Variants in TAFA1 observed in about 807,000 individuals in gnomAD.
TAFA1 encodes the protein chemokine-like protein TAFA-1.
Under a neutral mutation model 18.5 loss-of-function variants are expected in TAFA1, and 4 were observed. The ratio of observed to expected loss-of-function variants is 0.22; its 90% CI spans 0.11 to 0.49. The LOEUF (loss-of-function observed/expected upper bound fraction) is 0.49, where lower values mean the gene tolerates loss of function less well. Among genes scored for constraint, TAFA1 ranks in the 20% least tolerant of loss-of-function variants. The pLI is 0.98. For synonymous variants in TAFA1, 56 were observed against 55.2 expected (o/e 1.01, Z -0.06); for missense variants, 147 against 169.0 (o/e 0.87, Z 0.72).
chr3:68,270,087 C>T (rs1254482351), intron 2 of TAFA1, among the ~76,000 whole-genome samples: 1 of 152,106 alleles, frequency 6.6e-6, no homozygotes, highest in Non-Finnish European at 1.5e-5. Context: ...TTTCTTTGTG[C>T]CAAAGAGTTG....
At chr3:68,316,705 A>G (rs1392041434) in intron 2 of TAFA1, among the ~76,000 whole-genome samples, 1 of 152,208 alleles carries the variant, frequency 6.6e-6, no homozygotes, top group Non-Finnish European at 1.5e-5. Flanking sequence ...TATACTAGGT[A>G]CCAGGGGATT....
intron 2 of TAFA1, among the ~76,000 whole-genome samples, chr3:68,229,498 C>T (rs1293251314): frequency 2.6e-5 from 4 of 152,152 alleles, no homozygotes; most frequent in African/African-American, 7.2e-5. Flanking sequence ...GCACAAGGCA[C>T]TGTTTTGTTT....
intron 2 of TAFA1, among the ~76,000 whole-genome samples, chr3:68,295,738 C>G (rs777449074): frequency 9.2e-5 from 14 of 152,160 alleles, no homozygotes; most frequent in Non-Finnish European, 1.9e-4. Flanking sequence ...TCCCAAGTAA[C>G]CAGGATTACA....
chr3:68,451,178 T>A (rs1167345422), intron 3 of TAFA1, among the ~76,000 whole-genome samples: 2 of 152,194 alleles, frequency 1.3e-5, no homozygotes, highest in African/African-American at 4.8e-5. Context: ...TTTCCAGATT[T>A]AGATAAAAAA....
chr3:68,035,918 C>CA (rs1249146017), intron 2 of TAFA1, among the ~76,000 whole-genome samples: 1 of 152,072 alleles, frequency 6.6e-6, no homozygotes, highest in African/African-American at 2.4e-5. Flanking sequence ...AGCAGCCAGA[C>CA]AAAAAACCAC....
chr3:68,542,642 T>G (rs1260177174), intron 4 of TAFA1, among the ~76,000 whole-genome samples: 2 of 152,156 alleles, frequency 1.3e-5, no homozygotes, highest in Non-Finnish European at 2.9e-5. Flanking sequence ...ATGCATGACC[T>G]AGAGGTAGGT....
intron 3 of TAFA1, among the ~76,000 whole-genome samples, chr3:68,431,263 CT>C (rs2071165434): frequency 6.6e-6 from 1 of 151,942 alleles, no homozygotes; most frequent in South Asian, 2.1e-4. Flanking sequence ...GTCCTGCTCC[CT>C]TTAAAATCTT....
chr3:68,140,699 C>G (rs2065658655), intron 2 of TAFA1, among the ~76,000 whole-genome samples: 1 of 152,144 alleles, frequency 6.6e-6, no homozygotes, highest in Non-Finnish European at 1.5e-5. Flanking sequence ...CATTAAAGCA[C>G]ATAAAGCACT....
At chr3:68,449,525 T>C (rs139655341) in intron 3 of TAFA1, among the ~76,000 whole-genome samples, 2 of 152,258 alleles carry the variant, frequency 1.3e-5, no homozygotes, top group African/African-American at 4.8e-5. Context: ...AAAAATCTAA[T>C]TTACATATGT....
intron 3 of TAFA1, among the ~76,000 whole-genome samples, chr3:68,531,073 C>T (rs1487524665): frequency 6.9e-6 from 1 of 145,846 alleles, no homozygotes; most frequent in Non-Finnish European, 1.5e-5. Context: ...GGTGGGGAAG[C>T]AAGCTGGGGT....
intron 2 of TAFA1, among the ~76,000 whole-genome samples, chr3:68,370,468 G>GTATATA (rs2069674057): frequency 1.2e-4 from 2 of 16,624 alleles, no homozygotes; most frequent in Non-Finnish European, 2.0e-4. Context: ...GTGTGTGTGT[G>GTATATA]TGTGTATATA....
chr3:68,400,848 TG>T (rs2070473149), intron 2 of TAFA1, among the ~76,000 whole-genome samples: 1 of 152,336 alleles, frequency 6.6e-6, no homozygotes, highest in South Asian at 2.1e-4. Context: ...TCTTCCTAGA[TG>T]GCCTCAGCGG....
At chr3:68,496,724 A>G (rs1441591491) in intron 3 of TAFA1, among the ~76,000 whole-genome samples, 1 of 152,158 alleles carries the variant, frequency 6.6e-6, no homozygotes, top group Non-Finnish European at 1.5e-5. Flanking sequence ...GGTTGATGTG[A>G]GTCCTGGCTC....
chr3:68,188,470 T>TTA (rs903208920), intron 2 of TAFA1, among the ~76,000 whole-genome samples: 4 of 146,860 alleles, frequency 2.7e-5, no homozygotes, highest in Non-Finnish European at 4.5e-5. Flanking sequence ...TCTCTCTAAA[T>TTA]TATATATATA....
chr3:68,312,225 G>A (rs916804930), intron 2 of TAFA1, among the ~76,000 whole-genome samples: 1 of 150,622 alleles, frequency 6.6e-6, no homozygotes, highest in African/African-American at 2.4e-5. Context: ...GTGATAGGAG[G>A]GGCTGCCCTG....
chr3:68,477,840 G>A (rs2072133813), intron 3 of TAFA1, among the ~76,000 whole-genome samples: 1 of 152,152 alleles, frequency 6.6e-6, no homozygotes, highest in East Asian at 1.9e-4. Flanking sequence ...TTTAGGCTTT[G>A]AAAAATACAT....
intron 3 of TAFA1, among the ~76,000 whole-genome samples, chr3:68,525,753 GT>G (rs2073103378): frequency 6.6e-6 from 1 of 152,060 alleles, no homozygotes; most frequent in African/African-American, 2.4e-5. Flanking sequence ...GTCTAGTTAT[GT>G]TTTTTGAAGT....
chr3:68,061,572 C>A (rs1304068877), intron 2 of TAFA1, among the ~76,000 whole-genome samples: 1 of 152,140 alleles, frequency 6.6e-6, no homozygotes, highest in Non-Finnish European at 1.5e-5. Context: ...TTTATCACAT[C>A]ACTGAAAGCT....
chr3:68,483,345 A>G (rs554573936), intron 3 of TAFA1, among the ~76,000 whole-genome samples: 4 of 152,350 alleles, frequency 2.6e-5, no homozygotes, highest in African/African-American at 4.8e-5. Flanking sequence ...GTAGCAGGGA[A>G]TTAATCATAG....
Sources: allele counts gnomAD v4.1 joint callset (sites outside exome capture counted in the v4.1 genomes callset), GRCh38; gene constraint gnomAD v4.1.1; transcripts MANE v1.5; gene names NCBI Gene and HGNC (gene_info 2026-07-23, HGNC 2026-07-21).